The following ARHGAP8 variants were observed in gnomAD, a reference collection of about 807,000 sequenced individuals.
ARHGAP8 encodes Rho GTPase activating protein 8.
ARHGAP8 carries 62 observed loss-of-function variants against 46.1 expected under a neutral mutation model. That is an observed-to-expected ratio of 1.34 (90% confidence interval 1.10 to 1.66). The LOEUF (loss-of-function observed/expected upper bound fraction) is 1.66. ARHGAP8 is among the 40% of genes most tolerant of loss of function. The pLI, the probability that ARHGAP8 is intolerant of heterozygous loss-of-function variation, is 0.00. For synonymous variants in ARHGAP8, 375 were observed against 243.1 expected (o/e 1.54, Z -5.05); for missense variants, 923 against 568.4 (o/e 1.62, Z -6.34).
intron 1 of ARHGAP8, among the ~76,000 whole-genome samples, chr22:44,785,007 G>A (rs1927111557): frequency 6.6e-6 from 1 of 152,178 alleles, no homozygotes; most frequent in African/African-American, 2.4e-5. Context: ...GTAAATACCA[G>A]GTAAACACCC....
chr22:44,807,037 C>T (rs76634683), intron 3 of ARHGAP8, among the ~76,000 whole-genome samples: 5,928 of 152,120 alleles, frequency 0.039, 413 homozygotes, highest in African/African-American at 0.13. Context: ...CAGTGCGGGA[C>T]CAGCCGAGCC....
chr22:44,855,346 G>T (rs907644361), intron 10 of ARHGAP8, among the ~76,000 whole-genome samples: 4 of 151,678 alleles, frequency 2.6e-5, no homozygotes, highest in African/African-American at 7.3e-5. Flanking sequence ...ATATTTTTTT[G>T]TAAAGACAGG....
chr22:44,776,788 G>A (rs1340733135), intron 1 of ARHGAP8, among the ~76,000 whole-genome samples: 6 of 152,158 alleles, frequency 3.9e-5, no homozygotes, highest in Non-Finnish European at 7.3e-5. Flanking sequence ...ACTGTAGGTG[G>A]CCTGGTGGCG....
rs776687166 is a variant in ARHGAP8 at position 44,862,505 on chromosome 22, G to C, written c.1212G>C (p.Leu404Phe). Residue 404 changes from leucine (L) to phenylalanine (F), a missense_variant, in exon 12 of 12, where the codon TTG (leucine) becomes TTC (phenylalanine). Coordinates refer to ENST00000356099, the MANE Select transcript of ARHGAP8 (RefSeq NM_181335.3). ...PWEQGSRAAPLQEAVPRTQAT... is the reference protein window; with the variant it reads ...PWEQGSRAAPFQEAVPRTQAT... ...AACAGGGGAGCAGGGCAGCCCCTTT[G>C]CAGGAGGCTGTGCCACGGACACAAG... The C allele has an allele frequency of 1.9e-6, 3 of 1,613,306 alleles. No individual in the cohort carries two copies. The highest frequency in any genetic ancestry group is 2.2e-5 in the South Asian group (2 of 91,046).
At chr22:44,792,061 G>A (rs1927729855) in intron 2 of ARHGAP8, among the ~76,000 whole-genome samples, 1 of 151,290 alleles carries the variant, frequency 6.6e-6, no homozygotes, top group Non-Finnish European at 1.5e-5. Flanking sequence ...TGCCCAGGCT[G>A]GAGTGCAGTG....
chr22:44,802,458 A>C (rs781760854), intron 3 of ARHGAP8, among the ~76,000 whole-genome samples: 1 of 152,146 alleles, frequency 6.6e-6, no homozygotes, highest in Non-Finnish European at 1.5e-5. Context: ...CCCTGGTCCT[A>C]GGTGTAGGCG....
intron 11 of ARHGAP8, among the ~76,000 whole-genome samples, chr22:44,861,409 G>C (rs534049854): frequency 1.2e-3 from 185 of 152,330 alleles, no homozygotes; most frequent in African/African-American, 4.4e-3. Context: ...GCTTGAGGAG[G>C]GGTGGCCTGC....
intron 11 of ARHGAP8, 46 bp downstream of exon 11, chr22:44,859,880 C>A: frequency 6.2e-7 from 1 of 1,600,016 alleles, no homozygotes; most frequent in Non-Finnish European, 8.5e-7. Flanking sequence ...AGTGGCCTTC[C>A]CTCCCATGCT....
chr22:44,856,774 C>T lies in ARHGAP8; in HGVS notation c.878-2957C>T, dbSNP rs534854797. ...ACTCTTCCTGGGAGGCTGAAGATCA[C>T]CGAGGACTCCTCGAGATCAGATGCG... On this transcript the variant is annotated intron_variant, in intron 10 of 11. Coordinates refer to ENST00000356099, the MANE Select transcript of ARHGAP8 (RefSeq NM_181335.3). Among the ~76,000 whole-genome samples, 8 of 143,608 alleles carry T rather than the reference C, an allele frequency of 5.6e-5. 2 individuals are homozygous for T. The South Asian group carries it at 1.5e-3, about 27-fold the overall frequency. The allele number at this position is 143,608 out of a possible 152,430, so 94.2% of individuals were successfully genotyped here.
At chr22:44,840,802 C>A (rs1015674457) in intron 7 of ARHGAP8, among the ~76,000 whole-genome samples, 1 of 152,218 alleles carries the variant, frequency 6.6e-6, no homozygotes, top group Non-Finnish European at 1.5e-5. Context: ...TAGATGGTGC[C>A]TCCCGGCCGC....
rs1928594781 is a variant in ARHGAP8, at chr22:44,802,064, T to C, written c.80-13T>C. On this transcript the variant is annotated splice_polypyrimidine_tract_variant and intron_variant, in intron 2 of 11. Transcript: ENST00000356099. ...AAGGTGGCACAGAGGCTCACCTGTG[T>C]CTGCTCCTCCAGGGGATGACCGCTT... 6.2e-7 allele frequency: 1 copy of C among 1,613,966 alleles called. No individual in the cohort carries two copies. Among genetic ancestry groups the C allele is most frequent in the South Asian group, 1.1e-5 (1 of 91,068 alleles).
chr22:44,822,588 G>T, intron 6 of ARHGAP8, 119 bp downstream of exon 6: 1 of 950,068 alleles, frequency 1.1e-6, no homozygotes. Context: ...GCTAGATTTG[G>T]CTCAGAAATC....
chr22:44,822,322 C>T (rs1483566168), intron 5 of ARHGAP8, 49 bp from the exon 6 acceptor site: 19 of 1,528,386 alleles, frequency 1.2e-5, no homozygotes, highest in East Asian at 2.5e-5. Flanking sequence ...CCCTCGGCCT[C>T]TCTGCTGGCG....
intron 10 of ARHGAP8, among the ~76,000 whole-genome samples, chr22:44,859,166 G>C (rs1403699503): frequency 6.6e-6 from 1 of 152,198 alleles, no homozygotes; most frequent in Non-Finnish European, 1.5e-5. Context: ...GAGGGATGGA[G>C]CTTGTAGAAT....
chr22:44,785,817 C>T (rs1374000557), intron 1 of ARHGAP8, among the ~76,000 whole-genome samples: 1 of 152,192 alleles, frequency 6.6e-6, no homozygotes, highest in Non-Finnish European at 1.5e-5. Context: ...CCTCATATGG[C>T]AGTGACCCCA....
At chr22:44,766,329 G>A (rs982789677) in intron 1 of ARHGAP8, 1 of 153,670 alleles carries the variant, frequency 6.5e-6, no homozygotes, top group African/African-American at 2.4e-5. Context: ...GGAGGAAGGA[G>A]TGTCCTTGAG....
Position 44,786,562 on chromosome 22 carries a change from A to C in ARHGAP8, c.35A>C (p.His12Pro). The change falls in exon 2 of 12, where the codon CAC becomes CCC. Residue 12 changes from histidine (H) to proline (P), a missense_variant. Physicochemically the swap from His to Pro is moderately conservative, Grantham distance 77. Transcript: ENST00000356099. ...AGQDPALSTS[H>P]PFYDVARHGI... ...CAGGATCCTGCGCTGAGCACGAGTC[A>C]CCCGTTCTACGACGTGGCCAGACAT... 1 of 1,613,318 alleles carries C rather than the reference A, an allele frequency of 6.2e-7. No homozygotes were observed. The highest frequency in any genetic ancestry group is 8.5e-7 in the Non-Finnish European group (1 of 1,179,704).
In ARHGAP8 at chr22:44,859,855, C is replaced by T. The variant is rs539820979; in HGVS notation, c.981+21C>T. On this transcript the variant is annotated intron_variant, in intron 11 of 11. Transcript: ENST00000356099. ...ATGCGGTGAGTGGGGAAGGGGGGAG[C>T]TTGGGGTGAAGCCCAGTGGCCTTCC... The T allele has an allele frequency of 1.2e-5, 20 of 1,610,562 alleles. No individual in the cohort carries two copies. In the Admixed American group the frequency reaches 2.2e-4, roughly 17 times the overall value.
intron 5 of ARHGAP8, among the ~76,000 whole-genome samples, chr22:44,821,183 G>T (rs1221048016): frequency 6.6e-6 from 1 of 152,072 alleles, no homozygotes; most frequent in Non-Finnish European, 1.5e-5. Context: ...TGTAATCCCA[G>T]CACTTTGGGA....
Sources: gnomAD v4.1 joint callset for allele counts (sites outside exome capture counted in the v4.1 genomes callset) on GRCh38, gnomAD v4.1.1 for gene constraint, MANE v1.5 for transcripts, NCBI Gene and HGNC (gene_info 2026-07-23, HGNC 2026-07-21) for gene names.